The following SYN2 variants were observed in gnomAD, a reference collection of about 807,000 sequenced individuals.
SYN2 encodes the protein synapsin-2.
A neutral mutation model predicts 50.9 loss-of-function variants in SYN2; 19 were observed. The observed-to-expected ratio is 0.37, with a 90% confidence interval of 0.26 to 0.55. The LOEUF (loss-of-function observed/expected upper bound fraction) is 0.55, where lower values mean the gene tolerates loss of function less well. Among genes scored for constraint, SYN2 ranks in the 20% least tolerant of loss-of-function variants. SYN2 has a pLI of 0.81. For missense variants in SYN2, 587 were observed against 576.4 expected (o/e 1.02, Z -0.19); for synonymous variants, 255 against 224.9 (o/e 1.13, Z -1.20).
intron 1 of SYN2, among the ~76,000 whole-genome samples, chr3:12,139,096 G>GT (rs1292872385): frequency 6.6e-6 from 1 of 152,084 alleles, no homozygotes; most frequent in Non-Finnish European, 1.5e-5. Flanking sequence ...GGGCAGAGGT[G>GT]GGGGGTGGAC....
chr3:12,064,358 C>T (rs935776699), intron 1 of SYN2, among the ~76,000 whole-genome samples: 2 of 151,764 alleles, frequency 1.3e-5, no homozygotes, highest in Non-Finnish European at 2.9e-5. Flanking sequence ...AGGAAATCTA[C>T]ACTTAAAAAC....
At chr3:12,156,854 T>A in intron 5 of SYN2, 1 of 1,614,226 alleles carries the variant, frequency 6.2e-7, no homozygotes, top group Non-Finnish European at 8.5e-7. Flanking sequence ...TGTTGGCTTC[T>A]AGTTTCACAC....
intron 1 of SYN2, among the ~76,000 whole-genome samples, chr3:12,014,671 C>G (rs189614798): frequency 1.0e-3 from 153 of 152,304 alleles, no homozygotes; most frequent in African/African-American, 3.3e-3. Context: ...CAGTGTGAAA[C>G]TCCAACCTCA....
chr3:12,107,886 G>T (rs955526568), intron 1 of SYN2, among the ~76,000 whole-genome samples: 1 of 152,170 alleles, frequency 6.6e-6, no homozygotes, highest in Non-Finnish European at 1.5e-5. Flanking sequence ...CTAGAATACA[G>T]TTTGGGAAAG....
chr3:12,053,308 C>T (rs1260519910), intron 1 of SYN2, among the ~76,000 whole-genome samples: 2 of 152,098 alleles, frequency 1.3e-5, no homozygotes, highest in Non-Finnish European at 2.9e-5. Context: ...GTAGTCCCAG[C>T]TACTCAGGAG....
intron 5 of SYN2, chr3:12,156,978 G>A: frequency 3.6e-6 from 5 of 1,397,862 alleles, no homozygotes; most frequent in Non-Finnish European, 5.1e-6. Flanking sequence ...GTCAGTGAGT[G>A]TACTGTATAT....
intron 4 of SYN2, among the ~76,000 whole-genome samples, chr3:12,149,410 CAGGAA>C (rs534589294): frequency 6.6e-6 from 1 of 152,300 alleles, no homozygotes; most frequent in South Asian, 2.1e-4. Context: ...TCAGAGAAGG[CAGGAA>C]AGGTCTGAGG....
chr3:12,120,338 CTTTTA>C (rs755801949), intron 1 of SYN2, among the ~76,000 whole-genome samples: 1 of 152,012 alleles, frequency 6.6e-6, no homozygotes, highest in Non-Finnish European at 1.5e-5. Flanking sequence ...AACAATGAGT[CTTTTA>C]TTTTATTGCC....
intron 1 of SYN2, among the ~76,000 whole-genome samples, chr3:12,020,233 C>T (rs1261852870): frequency 6.6e-6 from 1 of 152,054 alleles, no homozygotes; most frequent in East Asian, 1.9e-4. Flanking sequence ...ATTTCTTAGC[C>T]AGAACTCAGA....
chr3:12,176,597 C>T (rs1698074558), intron 10 of SYN2, among the ~76,000 whole-genome samples: 1 of 152,206 alleles, frequency 6.6e-6, no homozygotes, highest in Non-Finnish European at 1.5e-5. Flanking sequence ...CTGAGCTGAT[C>T]AGAGCACATC....
At chr3:12,101,975 A>AG (rs2125189559) in intron 1 of SYN2, among the ~76,000 whole-genome samples, 1 of 152,298 alleles carries the variant, frequency 6.6e-6, no homozygotes, top group East Asian at 1.9e-4. Context: ...GCTACAAGGC[A>AG]GAGTGTGATC....
At chr3:12,086,119 A>T (rs1025805221) in intron 1 of SYN2, among the ~76,000 whole-genome samples, 2 of 152,150 alleles carry the variant, frequency 1.3e-5, no homozygotes, top group Non-Finnish European at 2.9e-5. Context: ...AACAAATTGC[A>T]TAAGCAGAAG....
intron 1 of SYN2, among the ~76,000 whole-genome samples, chr3:12,058,043 A>T (rs1471050712): frequency 6.6e-6 from 1 of 152,168 alleles, no homozygotes; most frequent in Non-Finnish European, 1.5e-5. Context: ...ACAAATGCAC[A>T]TACCTAGAAT....
chr3:12,152,510 G>C (rs1000489010), intron 5 of SYN2, among the ~76,000 whole-genome samples: 1 of 152,136 alleles, frequency 6.6e-6, no homozygotes, highest in Non-Finnish European at 1.5e-5. Context: ...TTTTCCTGCT[G>C]TAGCATCTAG....
chr3:12,093,457 G>A (rs1309966331), intron 1 of SYN2, among the ~76,000 whole-genome samples: 1 of 152,180 alleles, frequency 6.6e-6, no homozygotes, highest in Non-Finnish European at 1.5e-5. Flanking sequence ...TTTGTCTCCT[G>A]TGGGTCAGAG....
At chr3:12,157,430 A>C in intron 5 of SYN2, 1 of 1,614,184 alleles carries the variant, frequency 6.2e-7, no homozygotes. Context: ...CAGTGTCAGC[A>C]GGGTCTGCAC....
intron 1 of SYN2, among the ~76,000 whole-genome samples, chr3:12,016,344 G>A (rs1309408396): frequency 2.0e-5 from 3 of 152,286 alleles, no homozygotes; most frequent in African/African-American, 7.2e-5. Context: ...TGAAGGCTAC[G>A]AAACCAGTGA....
chr3:12,006,813 A>C (rs1693810353), intron 1 of SYN2, among the ~76,000 whole-genome samples: 1 of 152,250 alleles, frequency 6.6e-6, no homozygotes, highest in Non-Finnish European at 1.5e-5. Flanking sequence ...CTAGTGTTTC[A>C]GGCAGTCAAC....
At chr3:12,153,446 C>T in intron 5 of SYN2, 4 of 1,575,976 alleles carry the variant, frequency 2.5e-6, no homozygotes, top group South Asian at 2.2e-5. Flanking sequence ...ATGGCCAAAG[C>T]TCTGCAGGGA....
Sources: gnomAD v4.1 joint callset for allele counts (sites outside exome capture counted in the v4.1 genomes callset) on GRCh38, gnomAD v4.1.1 for gene constraint, MANE v1.5 for transcripts, NCBI Gene and HGNC (gene_info 2026-07-23, HGNC 2026-07-21) for gene names.